The following CDIN1 variants were observed in gnomAD, a reference collection of about 807,000 sequenced individuals.
The protein encoded by CDIN1 is CDAN1-interacting nuclease 1.
CDIN1 carries 33 observed loss-of-function variants against 45.3 expected under a neutral mutation model. The ratio of observed to expected loss-of-function variants is 0.73; its 90% CI spans 0.55 to 0.97. CDIN1 has a LOEUF of 0.97. Among genes scored for constraint, CDIN1 ranks in the 50% least tolerant of loss-of-function variants. CDIN1 has a pLI of 0.00. For synonymous variants in CDIN1, 118 were observed against 124.4 expected (o/e 0.95, Z 0.34); for missense variants, 303 against 339.4 (o/e 0.89, Z 0.84).
intron 10 of CDIN1, among the ~76,000 whole-genome samples, chr15:36,752,461 A>G (rs2053501801): frequency 6.6e-6 from 1 of 152,188 alleles, no homozygotes; most frequent in African/African-American, 2.4e-5. Context: ...GGTGAGTGGA[A>G]AATGAATGTA....
rs369838951 is a variant in CDIN1, at chr15:36,770,317, C to CA, written c.717-37998dup. ...CGAAAGAGGGAGGGAGGGAGGAAAG[C>CA]AAAAAAAAAGGGGAAAGGGAGAATA... On this transcript the variant is annotated intron_variant, in intron 10 of 10. Coordinates refer to ENST00000566621, the MANE Select transcript of CDIN1 (RefSeq NM_001321759.2). Among the ~76,000 whole-genome samples, 946 of 136,818 alleles carry CA rather than the reference C, an allele frequency of 6.9e-3. 11 individuals carry two copies. Among genetic ancestry groups the CA allele is most frequent in the East Asian group, 0.056 (267 of 4,786 alleles). The allele number at this position is 136,818 out of a possible 152,430, so 89.8% of individuals were successfully genotyped here. A position where few individuals can be genotyped will look rare whatever the true frequency, so the allele number is the denominator to read the frequency against.
At chr15:36,620,337 C>A (rs959379293) in intron 1 of CDIN1, among the ~76,000 whole-genome samples, 3 of 151,300 alleles carry the variant, frequency 2.0e-5, no homozygotes, top group Non-Finnish European at 4.4e-5. Flanking sequence ...GGCGACAAAG[C>A]GAAACTCTGT....
chr15:36,803,786 G>T (rs1277867478), intron 10 of CDIN1, among the ~76,000 whole-genome samples: 1 of 152,018 alleles, frequency 6.6e-6, no homozygotes, highest in Non-Finnish European at 1.5e-5. Context: ...TTCTAAATCA[G>T]ACATACTCTT....
intron 8 of CDIN1, among the ~76,000 whole-genome samples, chr15:36,703,312 A>G (rs143079701): frequency 7.5e-6 from 1 of 133,262 alleles, no homozygotes; most frequent in African/African-American, 3.0e-5. Flanking sequence ...TAGATCTATC[A>G]GATATATACA....
intron 5 of CDIN1, among the ~76,000 whole-genome samples, chr15:36,681,070 A>T (rs958817638): frequency 1.4e-4 from 21 of 152,132 alleles, no homozygotes; most frequent in African/African-American, 4.8e-4. Context: ...GAATACCATG[A>T]ACTAGAGATA....
chr15:36,779,724 G>A (rs2054303248), intron 10 of CDIN1, among the ~76,000 whole-genome samples: 1 of 152,150 alleles, frequency 6.6e-6, no homozygotes. Flanking sequence ...TAGCTGACCA[G>A]GTTACCAGAC....
Position 36,645,244 on chromosome 15 carries a change from G to T in CDIN1, c.169G>T (p.Ala57Ser). Residue 57 changes from alanine (A) to serine (S), a missense_variant, in exon 3 of 11, where the codon GCC becomes TCC. By Grantham distance (99) the Ala-to-Ser change is moderately conservative. Coordinates refer to ENST00000566621, the MANE Select transcript of CDIN1 (RefSeq NM_001321759.2). ...TCAGAAACACATTAAAAGAACACAT[G>T]CCAAACATCATACTTCGGAAGCAAT... ...EYQKHIKRTH[A>S]KHHTSEAIES... 1 of 1,552,768 alleles carries T rather than the reference G, an allele frequency of 6.4e-7. No individual in the cohort carries two copies. Among genetic ancestry groups the T allele is most frequent in the East Asian group, 2.4e-5 (1 of 41,136 alleles).
chr15:36,690,602 G>A (rs907574947), intron 5 of CDIN1, among the ~76,000 whole-genome samples: 10 of 152,062 alleles, frequency 6.6e-5, no homozygotes, highest in African/African-American at 2.2e-4. Context: ...TGTTCTTATA[G>A]TATAGAGCTT....
chr15:36,681,868 G>A (rs114229906), intron 5 of CDIN1, among the ~76,000 whole-genome samples: 33 of 152,170 alleles, frequency 2.2e-4, no homozygotes, highest in African/African-American at 6.3e-4. Flanking sequence ...TACTGCTCAC[G>A]GATTTCAGAT....
chr15:36,624,518 C>A (rs1689692792), intron 1 of CDIN1, among the ~76,000 whole-genome samples: 1 of 152,110 alleles, frequency 6.6e-6, no homozygotes, highest in South Asian at 2.1e-4. Flanking sequence ...GATTGAAAAT[C>A]TATAGTTTTT....
At position 36,598,767 on chromosome 15, in the gene CDIN1, C is replaced by T. The variant is rs1595723504; in HGVS notation, c.101+18806C>T. Among the ~76,000 whole-genome samples the T allele has an allele frequency of 2.0e-5, 3 of 152,162 alleles. No individual in the cohort carries two copies. The East Asian group carries it at 5.8e-4, about 29-fold the overall frequency. On this transcript the variant is annotated intron_variant, in intron 1 of 10. Coordinates refer to ENST00000566621, the MANE Select transcript of CDIN1 (RefSeq NM_001321759.2). ...CTTCCTTTCCTCATCTGTCCATCCC[C>T]CATCTTTTTTTTTGGTCTCTTGAAT...
rs144652234 is a variant in CDIN1, at chr15:36,665,553, G to C, written c.346+7648G>C. The stretch of plus-strand genomic sequence containing the variant: ...AACTGATCAGTGAACAGGTTGTTAG[G>C]ATAGAGAAAGAGGATGGTGAAAGAG... On this transcript the variant is annotated intron_variant, in intron 5 of 10. Transcript: ENST00000566621. Among the ~76,000 whole-genome samples the C allele has an allele frequency of 1.4e-4, 21 of 152,290 alleles. No individual in the cohort carries two copies. The East Asian group carries it at 3.5e-3, about 25-fold the overall frequency.
intron 10 of CDIN1, among the ~76,000 whole-genome samples, chr15:36,770,417 C>G (rs917700498): frequency 4.1e-5 from 6 of 147,666 alleles, no homozygotes; most frequent in African/African-American, 1.5e-4. Context: ...TTAAAAAACA[C>G]AATCTCTTTC....
At chr15:36,633,398 C>G (rs1175679963) in intron 1 of CDIN1, among the ~76,000 whole-genome samples, 1 of 152,062 alleles carries the variant, frequency 6.6e-6, no homozygotes, top group African/African-American at 2.4e-5. Flanking sequence ...TCTCATATTT[C>G]TTTTACCACA....
chr15:36,670,068 C>T (rs2041391630), intron 5 of CDIN1, among the ~76,000 whole-genome samples: 2 of 151,950 alleles, frequency 1.3e-5, no homozygotes, highest in African/African-American at 4.8e-5. Context: ...TGGGTTTCTT[C>T]TGTAAGGAAG....
At chr15:36,743,159 G>A (rs1310952464) in intron 10 of CDIN1, among the ~76,000 whole-genome samples, 1 of 152,142 alleles carries the variant, frequency 6.6e-6, no homozygotes, top group Non-Finnish European at 1.5e-5. Flanking sequence ...AGGTCATGTA[G>A]GGGAAAAATC....
At chr15:36,662,857 T>G (rs1334258499) in intron 5 of CDIN1, among the ~76,000 whole-genome samples, 1 of 149,368 alleles carries the variant, frequency 6.7e-6, no homozygotes, top group Non-Finnish European at 1.5e-5. Context: ...GATTTTAGTT[T>G]TTTTTTTTTT....
At chr15:36,738,637 C>T (rs932330861) in intron 10 of CDIN1, among the ~76,000 whole-genome samples, 47 of 152,280 alleles carry the variant, frequency 3.1e-4, no homozygotes, top group African/African-American at 8.4e-4. Context: ...TTACATGAAG[C>T]ACTGTCCTGA....
At chr15:36,585,074 G>A (rs920263687) in intron 1 of CDIN1, among the ~76,000 whole-genome samples, 10 of 152,076 alleles carry the variant, frequency 6.6e-5, no homozygotes, top group Admixed American at 3.3e-4. Context: ...TACTTATAAG[G>A]TTATATTTTA....
Sources: gnomAD v4.1 joint callset for allele counts (sites outside exome capture counted in the v4.1 genomes callset) on GRCh38, gnomAD v4.1.1 for gene constraint, MANE v1.5 for transcripts, NCBI Gene and HGNC (gene_info 2026-07-23, HGNC 2026-07-21) for gene names.